CHD7: variants seen among roughly 807,000 people sequenced by gnomAD.
CHD7 encodes the protein chromodomain helicase DNA binding protein 7.
Under a neutral mutation model 307.3 loss-of-function variants are expected in CHD7, and 24 were observed. The ratio of observed to expected loss-of-function variants is 0.08; its 90% CI spans 0.06 to 0.11. The LOEUF is 0.11. CHD7 is among the 10% of genes least tolerant of loss of function. CHD7 has a pLI of 1.00. For synonymous variants in CHD7, 1,363 were observed against 1,349.9 expected (o/e 1.01, Z -0.21); for missense variants, 3,106 against 3,727.1 (o/e 0.83, Z 4.34).
At chr8:60,860,863 C>T in intron 34 of CHD7, 41 bp from the exon 35 acceptor site, 11 of 1,465,918 alleles carry the variant, frequency 7.5e-6, no homozygotes, top group Non-Finnish European at 1.0e-5. Context: ...CAGAGGCTCT[C>T]TCTTCGTGTG....
chr8:60,711,945 TA>T (rs746489009), intron 1 of CHD7, among the ~76,000 whole-genome samples: 15 of 152,246 alleles, frequency 9.9e-5, no homozygotes, highest in Non-Finnish European at 1.9e-4. Flanking sequence ...TGGTTGATTA[TA>T]GAGAGCCTTG....
intron 1 of CHD7, among the ~76,000 whole-genome samples, chr8:60,694,718 C>G (rs916988438): frequency 6.6e-6 from 1 of 152,182 alleles, no homozygotes; most frequent in Non-Finnish European, 1.5e-5. Context: ...ACTGCCACCC[C>G]CTGTTGCCCT....
intron 7 of CHD7, among the ~76,000 whole-genome samples, chr8:60,809,942 A>G (rs1014766824): frequency 2.0e-5 from 3 of 152,140 alleles, no homozygotes; most frequent in African/African-American, 7.2e-5. Flanking sequence ...CATTTCTTCT[A>G]CATTGATTGG....
intron 1 of CHD7, among the ~76,000 whole-genome samples, chr8:60,702,090 T>A (rs1292335079): frequency 6.6e-6 from 1 of 152,212 alleles, no homozygotes; most frequent in Admixed American, 6.5e-5. Context: ...TTGGGAAGAC[T>A]CACTTAATTG....
At chr8:60,776,695 C>T (rs1810970803) in intron 2 of CHD7, among the ~76,000 whole-genome samples, 1 of 152,074 alleles carries the variant, frequency 6.6e-6, no homozygotes, top group Admixed American at 6.5e-5. Flanking sequence ...TCTTTTTTAT[C>T]AGTGTCATTG....
intron 1 of CHD7, among the ~76,000 whole-genome samples, chr8:60,695,237 A>G (rs766881264): frequency 6.6e-6 from 1 of 152,230 alleles, no homozygotes; most frequent in Admixed American, 6.5e-5. Context: ...AAATAAAGCT[A>G]CTCCATTGAT....
intron 1 of CHD7, among the ~76,000 whole-genome samples, chr8:60,690,402 G>A (rs10957154): frequency 0.82 from 124,721 of 152,120 alleles, 51,440 homozygotes; most frequent in East Asian, 0.94. Flanking sequence ...TATTTGTCTT[G>A]ATTGTGTTAA....
At chr8:60,723,992 C>T (rs1341524593) in intron 1 of CHD7, among the ~76,000 whole-genome samples, 1 of 152,232 alleles carries the variant, frequency 6.6e-6, no homozygotes, top group Non-Finnish European at 1.5e-5. Context: ...CTGCCACTGA[C>T]TGGCTGGGTG....
chr8:60,850,939 C>T, intron 26 of CHD7, 93 bp from the exon 27 acceptor site: 1 of 854,554 alleles, frequency 1.2e-6, no homozygotes, highest in South Asian at 1.8e-5. Context: ...TTAAAAGTAG[C>T]ACTGGGCAGA....
At position 60,851,036 on chromosome 8, in the gene CHD7, G is replaced by C; in HGVS notation, c.5539G>C (p.Glu1847Gln). The C allele has an allele frequency of 1.3e-6, 2 of 1,562,544 alleles. No individual in the cohort carries two copies. Among genetic ancestry groups the C allele is most frequent in the Non-Finnish European group, 1.7e-6 (2 of 1,153,268 alleles). Residue 1847 changes from glutamate (E) to glutamine (Q), a missense_variant, in exon 27 of 38, where the codon GAA (glutamate) becomes CAA (glutamine). Transcript: ENST00000423902. ...TTTTGTGTTTGTTTTACATAGGGGA[G>C]AATTTGATAGAGAAGATGAAGACCC... Reference protein sequence around the residue: ...DMLADGGDGGEFDREDEDPEY... With the variant: ...DMLADGGDGGQFDREDEDPEY...
At chr8:60,774,986 G>C (rs562988258) in intron 2 of CHD7, among the ~76,000 whole-genome samples, 19 of 151,994 alleles carry the variant, frequency 1.3e-4, no homozygotes, top group African/African-American at 4.6e-4. Context: ...ATGACTGCTT[G>C]GTTCATTATT....
intron 4 of CHD7, among the ~76,000 whole-genome samples, chr8:60,799,251 C>T (rs1199364642): frequency 6.6e-6 from 1 of 152,120 alleles, no homozygotes; most frequent in Non-Finnish European, 1.5e-5. Flanking sequence ...CAGATATTCC[C>T]AAACTTCCTG....
intron 29 of CHD7, 105 bp from the exon 30 acceptor site, chr8:60,852,393 C>A (rs1805495415): frequency 1.5e-6 from 2 of 1,315,442 alleles, no homozygotes; most frequent in Non-Finnish European, 2.1e-6. Flanking sequence ...TTCCCCACCC[C>A]CAAATAACTA....
intron 2 of CHD7, among the ~76,000 whole-genome samples, chr8:60,763,828 G>A (rs974032690): frequency 2.0e-5 from 3 of 152,102 alleles, no homozygotes; most frequent in Admixed American, 6.5e-5. Context: ...TCTCTGGCTT[G>A]AGGGCTGTCT....
At chr8:60,748,707 G>C (rs1809454851) in intron 2 of CHD7, among the ~76,000 whole-genome samples, 1 of 152,188 alleles carries the variant, frequency 6.6e-6, no homozygotes, top group South Asian at 2.1e-4. Context: ...ACAGTCCATA[G>C]ACGTGTCCCA....
intron 15 of CHD7, among the ~76,000 whole-genome samples, chr8:60,833,726 C>G (rs1267793146): frequency 1.3e-5 from 2 of 152,174 alleles, no homozygotes; most frequent in Non-Finnish European, 2.9e-5. Context: ...AGGACGGAAC[C>G]AACAAAGTGT....
At chr8:60,680,699 GT>G (rs911253505) in intron 1 of CHD7, among the ~76,000 whole-genome samples, 11 of 152,130 alleles carry the variant, frequency 7.2e-5, no homozygotes, top group South Asian at 4.1e-4. Context: ...GTTTAAACTA[GT>G]TTTTTTCCCC....
At chr8:60,818,609 C>T (rs1586383468) in intron 8 of CHD7, among the ~76,000 whole-genome samples, 1 of 152,030 alleles carries the variant, frequency 6.6e-6, no homozygotes, top group East Asian at 1.9e-4. Context: ...ACTAATCTAC[C>T]TCTGTGTAAA....
chr8:60,680,606 T>G (rs1446221535), intron 1 of CHD7, among the ~76,000 whole-genome samples: 1 of 152,040 alleles, frequency 6.6e-6, no homozygotes, highest in Non-Finnish European at 1.5e-5. Flanking sequence ...AGCGCCCCCG[T>G]GAAGCGAGCG....
Sources: allele counts gnomAD v4.1 joint callset (sites outside exome capture counted in the v4.1 genomes callset), GRCh38; gene constraint gnomAD v4.1.1; transcripts MANE v1.5; gene names NCBI Gene and HGNC (gene_info 2026-07-23, HGNC 2026-07-21).